Variants in TSGA10IP observed in about 807,000 individuals in gnomAD.
TSGA10IP encodes testis-specific protein 10-interacting protein.
TSGA10IP carries 64 observed loss-of-function variants against 63.2 expected under a neutral mutation model. That is an observed-to-expected ratio of 1.01 (90% CI 0.83 to 1.25). TSGA10IP has a LOEUF of 1.25. Ranked by LOEUF, TSGA10IP falls within the 50% of genes most tolerant of loss-of-function variation. The probability of loss-of-function intolerance (pLI) is 0.00; values close to 1 mark genes in which losing one functional copy is unlikely to be tolerated. For synonymous variants in TSGA10IP, 316 were observed against 298.3 expected (o/e 1.06, Z -0.61); for missense variants, 681 against 710.1 (o/e 0.96, Z 0.47).
At chr11:65,957,890 C>T (rs964246778) in intron 5 of TSGA10IP, among the ~76,000 whole-genome samples, 3 of 152,176 alleles carry the variant, frequency 2.0e-5, no homozygotes, top group African/African-American at 7.2e-5. Flanking sequence ...CTAGAGTGCT[C>T]TCTTCATGAG....
chr11:65,950,658 G>C (rs937520076), intron 4 of TSGA10IP, among the ~76,000 whole-genome samples: 15 of 151,972 alleles, frequency 9.9e-5, no homozygotes, highest in African/African-American at 3.6e-4. Flanking sequence ...CGCCTCCCGG[G>C]TTCACGCCAT....
chr11:65,955,482 G>A (rs555782556), intron 5 of TSGA10IP, among the ~76,000 whole-genome samples: 16 of 152,050 alleles, frequency 1.1e-4, no homozygotes, highest in South Asian at 1.0e-3. Context: ...GCGTAGTGGC[G>A]CGCGACTGTA....
At chr11:65,958,803 A>G (rs749923777) in intron 5 of TSGA10IP, 80 bp from the exon 6 acceptor site, 11 of 1,142,818 alleles carry the variant, frequency 9.6e-6, no homozygotes, top group Non-Finnish European at 1.4e-5. Flanking sequence ...TCAAGTCCTT[A>G]GTGAAGATAA....
At chr11:65,946,418 C>T (rs756064314) in intron 1 of TSGA10IP, among the ~76,000 whole-genome samples, 6 of 151,566 alleles carry the variant, frequency 4.0e-5, no homozygotes, top group Non-Finnish European at 7.4e-5. Flanking sequence ...AGGTGGTGCT[C>T]GGTCGGGTTT....
intron 5 of TSGA10IP, among the ~76,000 whole-genome samples, chr11:65,956,010 C>A (rs114886658): frequency 8.1e-4 from 123 of 152,222 alleles, no homozygotes; most frequent in African/African-American, 2.9e-3. Context: ...GTGCAGCGGG[C>A]GCAGGGCATC....
At chr11:65,955,608 G>GT (rs1855010465) in intron 5 of TSGA10IP, among the ~76,000 whole-genome samples, 1 of 147,008 alleles carries the variant, frequency 6.8e-6, no homozygotes, top group Non-Finnish European at 1.5e-5. Flanking sequence ...GAAAGACTCC[G>GT]TTTCAAAAAA....
chr11:65,947,991 C>T lies in TSGA10IP; in HGVS notation c.1004-10C>T, dbSNP rs1467148222. On this transcript the variant is annotated splice_polypyrimidine_tract_variant and intron_variant, in intron 3 of 7. Transcript: ENST00000532620. Reference sequence around the variant, plus strand: ...GAGGGCAGCCCCTGACTTGGTCCCACTGTGGGCAGGCCCCCAAAAGCTGCC... The same window carrying T: ...GAGGGCAGCCCCTGACTTGGTCCCATTGTGGGCAGGCCCCCAAAAGCTGCC... The T allele has an allele frequency of 1.3e-6, 2 of 1,555,832 alleles. No individual in the cohort carries two copies. The highest frequency in any genetic ancestry group is 4.8e-5 in the East Asian group (2 of 41,480).
At chr11:65,959,128 G>T (rs951467816) in intron 6 of TSGA10IP, 62 bp from the exon 7 acceptor site, 3 of 1,580,856 alleles carry the variant, frequency 1.9e-6, no homozygotes. Context: ...TCAGTAACCC[G>T]ATCCCCACCT....
chr11:65,958,803 A>T, intron 5 of TSGA10IP, 80 bp from the exon 6 acceptor site: 1 of 1,142,816 alleles, frequency 8.8e-7, no homozygotes, highest in Non-Finnish European at 1.3e-6. Context: ...TCAAGTCCTT[A>T]GTGAAGATAA....
Position 65,949,077 on chromosome 11 carries a change from G to A in TSGA10IP, c.1151+929G>A, listed in dbSNP as rs1166708380. ...AGATTAGCCTGGCTTGGTGGAAAGT[G>A]TCTGTAGCCCCAGCTACTCCAGAGG... On this transcript the variant is annotated intron_variant, in intron 4 of 7. Transcript: ENST00000532620. Among the ~76,000 whole-genome samples the A allele has an allele frequency of 5.3e-5, 8 of 152,094 alleles. No individual in the cohort carries two copies. In the East Asian group the frequency reaches 1.5e-3, roughly 29 times the overall value.
exon 6 of TSGA10IP, chr11:65,958,978 T>C (rs1167703594): frequency 3.7e-6 from 6 of 1,613,108 alleles, no homozygotes; most frequent in Non-Finnish European, 4.2e-6. Flanking sequence ...CAGCAGGCTA[T>C]GCAGGTGAGG....
Position 65,958,246 on chromosome 11 carries a change from A to G in TSGA10IP, c.1323-637A>G, listed in dbSNP as rs1855058176. ...AGGTGCGAGCCACCACGCCTGGCCA[A>G]ATTGGGTTTTTATAAATGAAAATTG... On this transcript the variant is annotated intron_variant, in intron 5 of 7. Coordinates refer to ENST00000532620, the Ensembl canonical transcript of TSGA10IP. Among the ~76,000 whole-genome samples, 3 of 152,294 alleles carry G rather than the reference A, an allele frequency of 2.0e-5. No homozygotes were observed. In the South Asian group the frequency reaches 6.2e-4, roughly 32 times the overall value.
chr11:65,954,461 A>G (rs1206356833), intron 5 of TSGA10IP, among the ~76,000 whole-genome samples: 5 of 151,816 alleles, frequency 3.3e-5, no homozygotes, highest in African/African-American at 4.8e-5. Context: ...GGTGTGAGAC[A>G]CTGCACCTGG....
intron 6 of TSGA10IP, 27 bp from the exon 7 acceptor site, chr11:65,959,163 G>A: frequency 6.3e-7 from 1 of 1,597,302 alleles, no homozygotes; most frequent in Non-Finnish European, 8.5e-7. Context: ...CTGGTGCAGA[G>A]CAGGAAGCCG....
intron 4 of TSGA10IP, 110 bp downstream of exon 4, chr11:65,948,258 A>T: frequency 1.5e-6 from 2 of 1,365,702 alleles, no homozygotes; most frequent in Non-Finnish European, 2.0e-6. Flanking sequence ...TTATTTATCC[A>T]TTCACCAAAC....
chr11:65,948,650 G>A (rs1397918001), intron 4 of TSGA10IP, among the ~76,000 whole-genome samples: 1 of 151,524 alleles, frequency 6.6e-6, no homozygotes. Flanking sequence ...CATTCAGCAT[G>A]GGCAACAGAG....
At chr11:65,958,697 T>C (rs76278326) in intron 5 of TSGA10IP, among the ~76,000 whole-genome samples, 186 bp from the exon 6 acceptor site, 4,443 of 152,196 alleles carry the variant, frequency 0.029, 227 homozygotes, top group African/African-American at 0.1. Flanking sequence ...ATCCGTAAAT[T>C]GGGTGAATAA....
At chr11:65,959,454 T>A in intron 7 of TSGA10IP, 140 bp downstream of exon 7, 1 of 1,333,588 alleles carries the variant, frequency 7.5e-7, no homozygotes, top group South Asian at 1.5e-5. Context: ...GGGTTGTCAT[T>A]CCTACTTCTC....
Position 65,947,345 on chromosome 11 carries a change from C to T in TSGA10IP, c.520C>T (p.Gln174Ter), listed in dbSNP as rs1355710692. ...GGCGCAAAACCTGAAGGCGAGACAG[C>T]AGCTGGGAGCCTGGGGCGGTGTCTC... Residue 174 changes from glutamine (Q) to a stop codon, truncating the protein, a stop_gained, in exon 3 of 8, where the codon CAG becomes TAG. Coordinates refer to ENST00000532620, the Ensembl canonical transcript of TSGA10IP. LOFTEE classifies it high-confidence loss of function. 6.2e-7 allele frequency: 1 copy of T among 1,611,776 alleles called. No homozygotes were observed. Among genetic ancestry groups the T allele is most frequent in the Non-Finnish European group, 8.5e-7 (1 of 1,179,118 alleles).
Sources: allele counts gnomAD v4.1 joint callset (sites outside exome capture counted in the v4.1 genomes callset), GRCh38; gene constraint gnomAD v4.1.1; transcripts MANE v1.5; gene names NCBI Gene and HGNC (gene_info 2026-07-23, HGNC 2026-07-21).